TRIP4: variants seen among roughly 807,000 people sequenced by gnomAD.
The protein encoded by TRIP4 is thyroid hormone receptor interactor 4, also known as activating signal cointegrator 1.
Under a neutral mutation model 81.8 loss-of-function variants are expected in TRIP4, and 54 were observed. The observed-to-expected ratio is 0.66, with a 90% CI of 0.53 to 0.83. TRIP4 has a LOEUF of 0.83. TRIP4 is among the 40% of genes least tolerant of loss of function. The pLI, the probability that TRIP4 is intolerant of heterozygous loss-of-function variation, is 0.00. For synonymous variants in TRIP4, 270 were observed against 242.8 expected, an observed-to-expected ratio of 1.11 and a Z score of -1.04; for missense variants, 662 against 683.6, an observed-to-expected ratio of 0.97 and a Z score of 0.35.
intron 11 of TRIP4, among the ~76,000 whole-genome samples, chr15:64,428,844 T>A (rs1208403128): frequency 6.6e-6 from 1 of 151,786 alleles, no homozygotes; most frequent in Non-Finnish European, 1.5e-5. Context: ...ACTCCTGACA[T>A]CAGGTGATAC....
intron 6 of TRIP4, among the ~76,000 whole-genome samples, chr15:64,408,936 C>T (rs567546444): frequency 1.3e-5 from 2 of 152,114 alleles, no homozygotes; most frequent in East Asian, 3.9e-4. Context: ...AATAGTTGGC[C>T]AGGCACAGTG....
At chr15:64,420,322 T>A (rs1282123566) in intron 9 of TRIP4, among the ~76,000 whole-genome samples, 1 of 151,614 alleles carries the variant, frequency 6.6e-6, no homozygotes, top group African/African-American at 2.4e-5. Context: ...GGTTTCTCCA[T>A]GTTGGTCAGG....
At chr15:64,418,872 A>C in intron 9 of TRIP4, 144 bp downstream of exon 9, 1 of 733,140 alleles carries the variant, frequency 1.4e-6, no homozygotes, top group Non-Finnish European at 2.0e-6. Context: ...CAACATATTC[A>C]TGTTACTGAC....
At chr15:64,388,534 C>G (rs992531185) in intron 1 of TRIP4, among the ~76,000 whole-genome samples, 4 of 152,088 alleles carry the variant, frequency 2.6e-5, no homozygotes, top group Non-Finnish European at 5.9e-5. Flanking sequence ...GTCTCCAGCT[C>G]CTGATCTCAA....
chr15:64,449,290 G>GTT (rs568955135), intron 12 of TRIP4, among the ~76,000 whole-genome samples: 3 of 137,572 alleles, frequency 2.2e-5, no homozygotes, highest in African/African-American at 2.8e-5. Flanking sequence ...GTTTGTTTTT[G>GTT]TTTTTTTTTT....
At chr15:64,405,091 C>T (rs1891592825) in intron 5 of TRIP4, among the ~76,000 whole-genome samples, 1 of 151,960 alleles carries the variant, frequency 6.6e-6, no homozygotes, top group South Asian at 2.1e-4. Context: ...ACCATGGAAT[C>T]AATGTTGGCT....
chr15:64,404,947 A>C (rs1891589822), intron 5 of TRIP4, among the ~76,000 whole-genome samples: 1 of 151,832 alleles, frequency 6.6e-6, no homozygotes, highest in Non-Finnish European at 1.5e-5. Context: ...CAGCCTCCCA[A>C]AGTGCTGCAA....
At chr15:64,414,046 C>T (rs762936039) in intron 7 of TRIP4, 39 bp from the exon 8 acceptor site, 1 of 1,607,446 alleles carries the variant, frequency 6.2e-7, no homozygotes, top group Non-Finnish European at 8.5e-7. Flanking sequence ...GAGCATAGAA[C>T]ATTACCAATT....
rs1413624915 is a variant in TRIP4 at position 64,418,689 on chromosome 15, A to C, written c.1319A>C (p.His440Pro). ...GFDGGWCLSVHQPWASLLVRG... is the reference protein window; with the variant it reads ...GFDGGWCLSVPQPWASLLVRG... ...GATGGTGGCTGGTGCCTCTCTGTAC[A>C]TCAGCCCTGGGCTTCTCTGCTTGTC... is the stretch of plus-strand genomic sequence containing the variant. The change falls in exon 9 of 13, where the codon CAT (histidine) becomes CCT (proline). Residue 440 changes from histidine (H) to proline (P), a missense_variant. Coordinates refer to ENST00000261884, the MANE Select transcript of TRIP4 (RefSeq NM_016213.5). The C allele has an allele frequency of 6.2e-7, 1 of 1,614,006 alleles. No homozygotes were observed. The highest frequency in any genetic ancestry group is 1.3e-5 in the African/African-American group (1 of 75,036).
At chr15:64,425,116 G>A (rs878886807) in intron 10 of TRIP4, among the ~76,000 whole-genome samples, 4 of 151,898 alleles carry the variant, frequency 2.6e-5, no homozygotes, top group Admixed American at 6.6e-5. Flanking sequence ...GGACTGGCTT[G>A]TTTTAAAGAC....
intron 11 of TRIP4, among the ~76,000 whole-genome samples, chr15:64,443,350 G>T (rs1181908486): frequency 6.6e-6 from 1 of 152,196 alleles, no homozygotes; most frequent in Non-Finnish European, 1.5e-5. Context: ...GGCTGAAATG[G>T]TTTATGGTGT....
At chr15:64,396,027 G>A (rs528164760) in intron 3 of TRIP4, among the ~76,000 whole-genome samples, 2 of 151,796 alleles carry the variant, frequency 1.3e-5, no homozygotes, top group South Asian at 4.2e-4. Context: ...TCCTGCCTCA[G>A]CCTCCCAAGT....
intron 4 of TRIP4, 51 bp from the exon 5 acceptor site, chr15:64,400,692 G>A (rs545850539): frequency 1.3e-4 from 185 of 1,415,424 alleles, no homozygotes; most frequent in Admixed American, 4.1e-4. Flanking sequence ...TATCAAGAAA[G>A]CAATATAATT....
intron 5 of TRIP4, among the ~76,000 whole-genome samples, chr15:64,401,620 T>A (rs1891510785): frequency 6.6e-6 from 1 of 152,140 alleles, no homozygotes; most frequent in African/African-American, 2.4e-5. Context: ...TTATTAAGAC[T>A]ACATAACATT....
chr15:64,409,515 C>T (rs919518451), intron 6 of TRIP4, 98 bp from the exon 7 acceptor site: 14 of 1,145,872 alleles, frequency 1.2e-5, no homozygotes, highest in Middle Eastern at 2.9e-4. Flanking sequence ...GATTTTGGAA[C>T]ATATTTGAGA....
At chr15:64,421,070 G>T (rs547380794) in intron 9 of TRIP4, among the ~76,000 whole-genome samples, 102 of 150,646 alleles carry the variant, frequency 6.8e-4, no homozygotes, top group African/African-American at 2.4e-3. Flanking sequence ...AGCACTTTAG[G>T]AGGCCGAGGT....
At chr15:64,444,794 C>G in intron 11 of TRIP4, 1 of 160,022 alleles carries the variant, frequency 6.2e-6, no homozygotes. Flanking sequence ...TATAGGAAAT[C>G]AGAGATGGCA....
intron 5 of TRIP4, among the ~76,000 whole-genome samples, chr15:64,401,241 TCTC>T (rs988406252): frequency 5.3e-5 from 8 of 152,026 alleles, no homozygotes; most frequent in East Asian, 1.9e-4. Flanking sequence ...TTCAAGCAAT[TCTC>T]CTGCCTCAGC....
intron 11 of TRIP4, among the ~76,000 whole-genome samples, chr15:64,442,171 T>C (rs1425013682): frequency 3.3e-5 from 5 of 149,796 alleles, no homozygotes; most frequent in Non-Finnish European, 5.9e-5. Context: ...TGGAGAGTTT[T>C]AAGCAGAAGA....
Sources: allele counts gnomAD v4.1 joint callset (sites outside exome capture counted in the v4.1 genomes callset), GRCh38; gene constraint gnomAD v4.1.1; transcripts MANE v1.5; gene names NCBI Gene and HGNC (gene_info 2026-07-23, HGNC 2026-07-21).